Variants in MAMDC2 observed in about 807,000 individuals in gnomAD.
The protein encoded by MAMDC2 is MAM domain-containing protein 2.
Under a neutral mutation model 89.8 loss-of-function variants are expected in MAMDC2, and 57 were observed. That is an observed-to-expected ratio of 0.63 (90% CI 0.51 to 0.79). MAMDC2 has a LOEUF of 0.79. Ranked by LOEUF, MAMDC2 falls within the 30% of genes least tolerant of loss-of-function variation. The probability of loss-of-function intolerance (pLI) is 0.00; values close to 1 mark genes in which losing one functional copy is unlikely to be tolerated. For missense variants in MAMDC2, 800 were observed against 820.6 expected (o/e 0.97, Z 0.31); for synonymous variants, 313 against 293.4 (o/e 1.07, Z -0.68).
intron 11 of MAMDC2, among the ~76,000 whole-genome samples, chr9:70,206,943 T>G (rs1002809534): frequency 3.9e-5 from 6 of 152,110 alleles, no homozygotes; most frequent in Admixed American, 1.3e-4. Flanking sequence ...TCCATGTCCC[T>G]ACAAAGGACA....
intron 2 of MAMDC2, among the ~76,000 whole-genome samples, chr9:70,080,297 C>T (rs1409990909): frequency 2.0e-5 from 3 of 152,094 alleles, no homozygotes; most frequent in East Asian, 1.9e-4. Context: ...TGAAAGTGTA[C>T]CTATGTTTTT....
At chr9:70,118,070 G>C (rs1190907187) in intron 5 of MAMDC2, among the ~76,000 whole-genome samples, 1 of 152,172 alleles carries the variant, frequency 6.6e-6, no homozygotes, top group Non-Finnish European at 1.5e-5. Flanking sequence ...ATGTGCAAAA[G>C]TGTAGAGGCA....
chr9:70,108,865 A>C (rs528959283), intron 3 of MAMDC2, among the ~76,000 whole-genome samples: 6 of 152,348 alleles, frequency 3.9e-5, no homozygotes. Flanking sequence ...CTTTGCTACA[A>C]ATTTTGAACA....
intron 6 of MAMDC2, among the ~76,000 whole-genome samples, chr9:70,129,749 G>T (rs1410313262): frequency 1.3e-5 from 2 of 152,136 alleles, no homozygotes; most frequent in African/African-American, 4.8e-5. Context: ...GCTAGATACA[G>T]AGACATTAGG....
At chr9:70,211,419 A>G (rs1428036849) in intron 11 of MAMDC2, among the ~76,000 whole-genome samples, 1 of 152,168 alleles carries the variant, frequency 6.6e-6, no homozygotes, top group Non-Finnish European at 1.5e-5. Context: ...TCATCGAATC[A>G]GCTACTGAAG....
chr9:70,068,059 A>G (rs576478889), intron 2 of MAMDC2, among the ~76,000 whole-genome samples: 17 of 152,250 alleles, frequency 1.1e-4, no homozygotes, highest in Non-Finnish European at 2.4e-4. Flanking sequence ...GCTGATACAA[A>G]TTACAAACTT....
intron 2 of MAMDC2, chr9:70,086,022 A>G (rs2118155200): frequency 1.3e-5 from 2 of 152,188 alleles, no homozygotes; most frequent in African/African-American, 4.8e-5. Flanking sequence ...TTATTGGAGT[A>G]TATATTTGCA....
chr9:70,210,714 T>A (rs2033338058), intron 11 of MAMDC2, among the ~76,000 whole-genome samples: 1 of 152,232 alleles, frequency 6.6e-6, no homozygotes, highest in Non-Finnish European at 1.5e-5. Flanking sequence ...TGATGCAGTT[T>A]CTTCCTAGCA....
At position 70,108,433 on chromosome 9, in the gene MAMDC2, G is replaced by A. The variant is rs1828404729; in HGVS notation, c.371G>A (p.Ser124Asn). 1.2e-6 allele frequency: 2 copies of A among 1,612,242 alleles called. No individual in the cohort carries two copies. Among genetic ancestry groups the A allele is most frequent in the Non-Finnish European group, 8.5e-7 (1 of 1,179,460 alleles). Residue 124 changes from serine to asparagine, a missense_variant, in exon 3 of 14, where the codon AGC (serine) becomes AAC (asparagine). By Grantham distance (46) the Ser-to-Asn change is conservative. Transcript: ENST00000377182. ...LLWSAKEPSD[S>N]WLIASLDLQN... ...TGGTCAGCTAAGGAACCTTCAGACAGCTGGCTCATAGCCAGCTTGGATTTG... is the reference window on the plus strand; with the variant it reads ...TGGTCAGCTAAGGAACCTTCAGACAACTGGCTCATAGCCAGCTTGGATTTG...
At chr9:70,188,489 T>C (rs1475397789) in intron 11 of MAMDC2, 3 of 152,250 alleles carry the variant, frequency 2.0e-5, no homozygotes, top group East Asian at 3.9e-4. Context: ...GTTATTTTCT[T>C]AGTGGTTGCC....
chr9:70,052,566 T>C (rs914907587), intron 2 of MAMDC2, among the ~76,000 whole-genome samples: 5 of 152,190 alleles, frequency 3.3e-5, no homozygotes, highest in African/African-American at 4.8e-5. Context: ...GTAAGTCTTC[T>C]TATTGGCATC....
chr9:70,197,943 C>T (rs2033005513), intron 11 of MAMDC2, among the ~76,000 whole-genome samples: 1 of 152,006 alleles, frequency 6.6e-6, no homozygotes, highest in African/African-American at 2.4e-5. Context: ...ATCACGAATG[C>T]ATTTTATTAT....
chr9:70,160,638 C>G (rs532135059), intron 9 of MAMDC2, among the ~76,000 whole-genome samples: 2 of 152,036 alleles, frequency 1.3e-5, no homozygotes, highest in Non-Finnish European at 2.9e-5. Flanking sequence ...AGCATTCTTT[C>G]TGGGGGGCCT....
At chr9:70,084,715 T>TC (rs1173325921) in intron 2 of MAMDC2, among the ~76,000 whole-genome samples, 1 of 152,084 alleles carries the variant, frequency 6.6e-6, no homozygotes, top group African/African-American at 2.4e-5. Flanking sequence ...GTTATTATGA[T>TC]CCACTGAAAC....
chr9:70,172,612 G>A (rs1927130), intron 11 of MAMDC2: 130,843 of 152,698 alleles, frequency 0.86, 56,307 homozygotes, highest in East Asian at 0.96. Flanking sequence ...GGTTCTTTCT[G>A]GAACAGTTGT....
chr9:70,137,396 C>T lies in MAMDC2; in HGVS notation c.995-2749C>T, dbSNP rs778503360. On this transcript the variant is annotated intron_variant, in intron 7 of 13. Coordinates refer to ENST00000377182, the MANE Select transcript of MAMDC2 (RefSeq NM_153267.5). ...CTTCAGCATAACTATAGGATAATTA[C>T]GGAGTTCAGGAAATTTAATACTGAT... Among the ~76,000 whole-genome samples, 18 of 152,206 alleles carry T rather than the reference C, an allele frequency of 1.2e-4. 2 individuals carry two copies. In the Middle Eastern group the frequency reaches 0.017, roughly 145 times the overall value.
intron 2 of MAMDC2, among the ~76,000 whole-genome samples, chr9:70,046,713 T>C (rs566021862): frequency 6.6e-6 from 1 of 152,360 alleles, no homozygotes; most frequent in Non-Finnish European, 1.5e-5. Flanking sequence ...TTTAATAGTA[T>C]AACGAAGGCA....
At chr9:70,081,250 T>C (rs187842136) in intron 2 of MAMDC2, among the ~76,000 whole-genome samples, 95 of 152,078 alleles carry the variant, frequency 6.2e-4, no homozygotes, top group Non-Finnish European at 1.1e-3. Flanking sequence ...GGTCTAGTGA[T>C]AGATGATAAG....
At chr9:70,151,523 G>T (rs2118450910) in intron 9 of MAMDC2, among the ~76,000 whole-genome samples, 1 of 152,296 alleles carries the variant, frequency 6.6e-6, no homozygotes, top group South Asian at 2.1e-4. Context: ...ATGAATAAAA[G>T]AATGAGTGGG....
Sources: gnomAD v4.1 joint callset for allele counts (sites outside exome capture counted in the v4.1 genomes callset) on GRCh38, gnomAD v4.1.1 for gene constraint, MANE v1.5 for transcripts, NCBI Gene and HGNC (gene_info 2026-07-23, HGNC 2026-07-21) for gene names.